CSMD3: variants seen among roughly 807,000 people sequenced by gnomAD.
CSMD3 encodes CUB and sushi domain-containing protein 3.
CSMD3 carries 177 observed loss-of-function variants against 435.2 expected under a neutral mutation model. That is an observed-to-expected ratio of 0.41 (90% CI 0.36 to 0.46). The LOEUF is 0.46. Ranked by LOEUF, CSMD3 falls within the 20% of genes least tolerant of loss-of-function variation. The pLI is 0.34. For synonymous variants in CSMD3, 1,656 were observed against 1,520.5 expected, an observed-to-expected ratio of 1.09 and a Z score of -2.07; for missense variants, 4,265 against 4,504.6, an observed-to-expected ratio of 0.95 and a Z score of 1.52.
intron 27 of CSMD3, among the ~76,000 whole-genome samples, chr8:112,545,397 T>G (rs1352973551): frequency 6.8e-6 from 1 of 146,806 alleles, no homozygotes; most frequent in African/African-American, 2.5e-5. Flanking sequence ...GCAGGAGAAT[T>G]GCTTGAGCCC....
At chr8:113,165,836 T>G (rs2092138761) in intron 4 of CSMD3, among the ~76,000 whole-genome samples, 1 of 151,706 alleles carries the variant, frequency 6.6e-6, no homozygotes, top group African/African-American at 2.4e-5. Context: ...TAAATAGTTG[T>G]GTGAATGAAA....
chr8:113,356,612 A>G (rs531977707), intron 1 of CSMD3, among the ~76,000 whole-genome samples: 2 of 152,342 alleles, frequency 1.3e-5, no homozygotes, highest in East Asian at 3.9e-4. Flanking sequence ...TGAACAAATT[A>G]CATGTGATAC....
At chr8:112,942,255 G>A (rs769391560) in intron 9 of CSMD3, among the ~76,000 whole-genome samples, 5 of 145,948 alleles carry the variant, frequency 3.4e-5, no homozygotes, top group African/African-American at 5.0e-5. Flanking sequence ...AAAAAAAACT[G>A]TCAACGGCTG....
chr8:112,281,372 A>G (rs2130582301), intron 58 of CSMD3, 22 bp from the exon 59 acceptor site: 1 of 1,596,924 alleles, frequency 6.3e-7, no homozygotes, highest in Middle Eastern at 1.7e-4. Flanking sequence ...AGTGTTTAAG[A>G]GTATATATAA....
chr8:112,818,243 T>A (rs950175397), intron 12 of CSMD3, among the ~76,000 whole-genome samples: 1 of 152,130 alleles, frequency 6.6e-6, no homozygotes. Context: ...CATAACATGT[T>A]AAATATGTAT....
rs1554690185 is a variant in CSMD3 at position 112,824,149 on chromosome 8, C to CT, written c.1859+5536dup. On this transcript the variant is annotated intron_variant, in intron 12 of 70. Coordinates refer to ENST00000297405, the MANE Select transcript of CSMD3 (RefSeq NM_198123.2). ...TCAGAAACTAGGATTTCAACCCCTG[C>CT]TTTTTTTTTGCTTTCCATTTGCTTG... Among the ~76,000 whole-genome samples, 447 of 150,724 alleles carry CT rather than the reference C, an allele frequency of 3.0e-3. 5 individuals carry two copies. The highest frequency in any genetic ancestry group is 9.6e-3 in the African/African-American group (397 of 41,146).
At chr8:112,653,593 A>G (rs1465777574) in intron 18 of CSMD3, among the ~76,000 whole-genome samples, 2 of 151,800 alleles carry the variant, frequency 1.3e-5, no homozygotes, top group African/African-American at 4.8e-5. Flanking sequence ...AAAATAAATT[A>G]TATTCCTAAA....
At chr8:112,310,905 A>T (rs2130811271) in intron 50 of CSMD3, 73 bp downstream of exon 50, 1 of 1,275,816 alleles carries the variant, frequency 7.8e-7, no homozygotes, top group Non-Finnish European at 1.1e-6. Context: ...AAAGTTAGTG[A>T]TCCAAATAAA....
rs375972668 is a variant in CSMD3, at chr8:112,637,443, T to C, written c.3527-438A>G. On this transcript the variant is annotated intron_variant, in intron 21 of 70. Coordinates refer to ENST00000297405, the MANE Select transcript of CSMD3 (RefSeq NM_198123.2). ...TACATTTAAATGATAAAGGCCCTTC[T>C]GCTTCTTGTATACAAGTTCAATTAA... Among the ~76,000 whole-genome samples, 349 of 152,294 alleles carry C rather than the reference T, an allele frequency of 2.3e-3. 2 individuals are homozygous for C. The highest frequency in any genetic ancestry group is 7.8e-3 in the African/African-American group (326 of 41,584).
chr8:113,376,738 C>T, intron 1 of CSMD3: 4 of 1,613,948 alleles, frequency 2.5e-6, no homozygotes, highest in Non-Finnish European at 3.4e-6. Context: ...GGATATCTAC[C>T]TGAGGCTGTC....
chr8:112,599,255 AAC>A (rs1161612346), intron 22 of CSMD3, among the ~76,000 whole-genome samples: 2 of 151,574 alleles, frequency 1.3e-5, no homozygotes, highest in Non-Finnish European at 2.9e-5. Context: ...GCAGCCAAAA[AAC>A]ACATGAAAAA....
intron 32 of CSMD3, among the ~76,000 whole-genome samples, chr8:112,414,842 T>C (rs1811734525): frequency 6.6e-6 from 1 of 152,168 alleles, no homozygotes; most frequent in South Asian, 2.1e-4. Context: ...TTCTCTGCTT[T>C]AGTAAAGAGA....
At chr8:113,205,969 C>A (rs1192881029) in intron 3 of CSMD3, among the ~76,000 whole-genome samples, 4 of 151,896 alleles carry the variant, frequency 2.6e-5, no homozygotes, top group Non-Finnish European at 5.9e-5. Context: ...TGCTCTCCCA[C>A]CAAATATGGC....
intron 13 of CSMD3, among the ~76,000 whole-genome samples, chr8:112,722,231 A>T (rs1008854954): frequency 4.6e-5 from 7 of 152,094 alleles, no homozygotes. Context: ...TCCAGAGGAA[A>T]AGATACCAAA....
intron 1 of CSMD3, among the ~76,000 whole-genome samples, chr8:113,416,271 G>A (rs2094581400): frequency 6.6e-6 from 1 of 151,992 alleles, no homozygotes; most frequent in African/African-American, 2.4e-5. Context: ...TCTCCCTTTT[G>A]TTGTTGGTCG....
At chr8:113,140,874 G>A (rs2091532067) in intron 4 of CSMD3, among the ~76,000 whole-genome samples, 1 of 150,622 alleles carries the variant, frequency 6.6e-6, no homozygotes. Context: ...CTCAAAGTAA[G>A]CAGAAGTAAG....
At chr8:112,683,162 G>A (rs191240886) in intron 15 of CSMD3, among the ~76,000 whole-genome samples, 1 of 151,848 alleles carries the variant, frequency 6.6e-6, no homozygotes, top group East Asian at 1.9e-4. Flanking sequence ...TTTATTTTCT[G>A]CCATCTGGGA....
intron 24 of CSMD3, among the ~76,000 whole-genome samples, chr8:112,566,968 C>T (rs1367792195): frequency 1.3e-5 from 2 of 152,090 alleles, no homozygotes; most frequent in African/African-American, 4.8e-5. Context: ...GAACCCCTCT[C>T]TCTCACAAGA....
chr8:113,308,459 G>A (rs574632576), intron 2 of CSMD3, among the ~76,000 whole-genome samples: 1 of 151,618 alleles, frequency 6.6e-6, no homozygotes, highest in South Asian at 2.1e-4. Flanking sequence ...TAGTAAAGAC[G>A]GGCTTTCACT....
Sources: gnomAD v4.1 joint callset for allele counts (sites outside exome capture counted in the v4.1 genomes callset) on GRCh38, gnomAD v4.1.1 for gene constraint, MANE v1.5 for transcripts, NCBI Gene and HGNC (gene_info 2026-07-23, HGNC 2026-07-21) for gene names.